EEF1AKMT2: variants seen among roughly 807,000 people sequenced by gnomAD.
EEF1AKMT2 encodes eukaryotic translation elongation factor 1 alpha lysine methyltransferase 2.
EEF1AKMT2 carries 32 observed loss-of-function variants against 35.8 expected under a neutral mutation model. That is an observed-to-expected ratio of 0.89 (90% CI 0.67 to 1.20). EEF1AKMT2 has a LOEUF of 1.20. Ranked by LOEUF, EEF1AKMT2 falls within the 50% of genes most tolerant of loss-of-function variation. The pLI, the probability that EEF1AKMT2 is intolerant of heterozygous loss-of-function variation, is 0.00. For missense variants in EEF1AKMT2, 330 were observed against 347.5 expected (o/e 0.95, Z 0.40); for synonymous variants, 121 against 133.7 (o/e 0.91, Z 0.65).
chr10:124,770,019 A>G (rs920790009), intron 4 of EEF1AKMT2, among the ~76,000 whole-genome samples: 2 of 148,060 alleles, frequency 1.4e-5, no homozygotes, highest in African/African-American at 5.0e-5. Flanking sequence ...GTGGTGGCTC[A>G]TGCCTGTAAT....
rs991631716 is a variant in EEF1AKMT2 at position 124,791,762 on chromosome 10, C to T, written c.72G>A (p.Glu24=). 2 of 1,595,424 alleles carry T rather than the reference C, an allele frequency of 1.3e-6. No individual in the cohort carries two copies. Among genetic ancestry groups the T allele is most frequent in the East Asian group, 2.3e-5 (1 of 44,318 alleles). ...CCAGCGCCGACGGGACGAAACCGTC[C>T]TCCCCGGGACTGCCCTTGTCCGACC... is the stretch of plus-strand genomic sequence containing the variant. ...AARSDKGSPG[E]DGFVPSALGT... is the part of the protein sequence containing the mutation. The change falls in exon 1 of 7, where the codon GAG becomes GAA. Residue 24 remains glutamate, a synonymous_variant. Coordinates refer to ENST00000368836, the MANE Select transcript of EEF1AKMT2 (RefSeq NM_212554.4).
chr10:124,774,239 C>A (rs1186491644), intron 4 of EEF1AKMT2, among the ~76,000 whole-genome samples: 1 of 151,604 alleles, frequency 6.6e-6, no homozygotes, highest in Non-Finnish European at 1.5e-5. Context: ...TGGCTGCAGG[C>A]GCCTGTAGTC....
intron 3 of EEF1AKMT2, among the ~76,000 whole-genome samples, chr10:124,787,391 A>C (rs1339514628): frequency 2.1e-5 from 3 of 139,624 alleles, no homozygotes; most frequent in Non-Finnish European, 1.5e-5. Context: ...CAAGATCGTG[A>C]GACTGCACTC....
At chr10:124,777,279 CAAAA>C (rs768724237) in intron 3 of EEF1AKMT2, among the ~76,000 whole-genome samples, 36 of 62,810 alleles carry the variant, frequency 5.7e-4, no homozygotes, top group African/African-American at 1.7e-3. Flanking sequence ...AACTCTGACT[CAAAA>C]AAAAAAAAAA....
intron 4 of EEF1AKMT2, among the ~76,000 whole-genome samples, chr10:124,772,440 T>C (rs1374686510): frequency 1.5e-5 from 2 of 131,036 alleles, no homozygotes; most frequent in Non-Finnish European, 3.4e-5. Context: ...TTTTTTTTTT[T>C]TTTTTTGAGA....
chr10:124,782,530 CGAG>C (rs1416656339), intron 3 of EEF1AKMT2, among the ~76,000 whole-genome samples: 1 of 143,706 alleles, frequency 7.0e-6, no homozygotes, highest in East Asian at 2.0e-4. Context: ...TGCAGTGAGC[CGAG>C]ATCGCGCCAC....
At chr10:124,783,805 C>A (rs554062248) in intron 3 of EEF1AKMT2, among the ~76,000 whole-genome samples, 1 of 152,140 alleles carries the variant, frequency 6.6e-6, no homozygotes, top group African/African-American at 2.4e-5. Context: ...TTGCCACCAA[C>A]CAAACCTGGC....
chr10:124,762,822 T>C (rs1240203464), intron 5 of EEF1AKMT2, among the ~76,000 whole-genome samples: 1 of 152,178 alleles, frequency 6.6e-6, no homozygotes, highest in Non-Finnish European at 1.5e-5. Context: ...ACATGCATAG[T>C]TATACACCCA....
At chr10:124,775,019 A>T in intron 3 of EEF1AKMT2, 2 of 187,884 alleles carry the variant, frequency 1.1e-5, no homozygotes, top group Non-Finnish European at 2.2e-5. Context: ...AAGGAAATTC[A>T]TGTTCTCAAA....
chr10:124,767,751 C>T (rs1299771430), intron 4 of EEF1AKMT2, among the ~76,000 whole-genome samples: 2 of 152,088 alleles, frequency 1.3e-5, no homozygotes, highest in South Asian at 2.1e-4. Flanking sequence ...TTTGGGAGGC[C>T]GAGACGGGTA....
At position 124,760,491 on chromosome 10, in the gene EEF1AKMT2, A is replaced by T. The variant is rs1216040003; in HGVS notation, c.*12T>A. 3 of 1,613,588 alleles carry T rather than the reference A, an allele frequency of 1.9e-6. No homozygotes were observed. Among genetic ancestry groups the T allele is most frequent in the Non-Finnish European group, 2.5e-6 (3 of 1,179,660 alleles). On this transcript the variant is annotated 3_prime_UTR_variant, in exon 7 of 7. Transcript: ENST00000368836. The stretch of plus-strand genomic sequence containing the variant: ...GAACTTGGGTGTTGGTAGCTCTTCG[A>T]GAAGTTCAAATCCTGTCAGACAAAA...
rs546256457 is a variant in EEF1AKMT2, at chr10:124,786,711, G to A, written c.291+2332C>T. ...TGTAATCCTAGCTACTCAGGAGGCT[G>A]AGGCAGGAAAATCGCTTGAACCCAG... On this transcript the variant is annotated intron_variant, in intron 3 of 6. Transcript: ENST00000368836. 2.0e-5 allele frequency among the ~76,000 whole-genome samples: 3 copies of A among 151,820 alleles called. No homozygotes were observed. The East Asian group carries it at 5.8e-4, about 30-fold the overall frequency.
chr10:124,773,314 C>T (rs2683607), intron 4 of EEF1AKMT2, among the ~76,000 whole-genome samples: 1 of 152,130 alleles, frequency 6.6e-6, no homozygotes, highest in Non-Finnish European at 1.5e-5. Context: ...CCTCCTGCCT[C>T]TGTTTTTTTT....
At chr10:124,771,031 T>C (rs1007782341) in intron 4 of EEF1AKMT2, among the ~76,000 whole-genome samples, 7 of 152,236 alleles carry the variant, frequency 4.6e-5, no homozygotes, top group Non-Finnish European at 7.3e-5. Flanking sequence ...GTTGATATTC[T>C]GACCTCCCAT....
chr10:124,774,264 G>A (rs1427265418), intron 4 of EEF1AKMT2, among the ~76,000 whole-genome samples: 1 of 151,106 alleles, frequency 6.6e-6, no homozygotes, highest in African/African-American at 2.4e-5. Flanking sequence ...CTACTTCAGA[G>A]GCTGAGAGAG....
chr10:124,764,662 C>G (rs1459871129), intron 5 of EEF1AKMT2, among the ~76,000 whole-genome samples: 1 of 152,184 alleles, frequency 6.6e-6, no homozygotes, highest in East Asian at 1.9e-4. Flanking sequence ...AAACCAAGAA[C>G]TGTTCTATCA....
intron 4 of EEF1AKMT2, among the ~76,000 whole-genome samples, chr10:124,773,316 G>GT (rs997803123): frequency 3.3e-4 from 50 of 151,548 alleles, no homozygotes; most frequent in South Asian, 1.9e-3. Flanking sequence ...TCCTGCCTCT[G>GT]TTTTTTTTTA....
In EEF1AKMT2 at chr10:124,765,393, T is replaced by G; in HGVS notation, c.615A>C (p.Glu205Asp). Residue 205 changes from glutamate (E) to aspartate (D), a missense_variant and splice_region_variant, in exon 5 of 7, where the codon GAA becomes GAC. Glu to Asp is a conservative substitution (Grantham distance 45). Transcript: ENST00000368836. Reference protein sequence around the residue: ...TKEELLNEFSEGWSTVAGFWL... With the variant: ...TKEELLNEFSDGWSTVAGFWL... ...TTTAAACACCATATAGTCACTTACC[T>G]TCACTGAATTCATTTAGCAACTCTT... 1 of 1,613,258 alleles carries G rather than the reference T, an allele frequency of 6.2e-7. No individual in the cohort carries two copies. The highest frequency in any genetic ancestry group is 8.5e-7 in the Non-Finnish European group (1 of 1,179,350).
intron 4 of EEF1AKMT2, among the ~76,000 whole-genome samples, chr10:124,773,795 T>C (rs114465367): frequency 4.1e-4 from 63 of 152,204 alleles, no homozygotes; most frequent in African/African-American, 1.4e-3. Context: ...TTACAACAAT[T>C]ACCAAAATGT....
Sources: allele counts gnomAD v4.1 joint callset (sites outside exome capture counted in the v4.1 genomes callset), GRCh38; gene constraint gnomAD v4.1.1; transcripts MANE v1.5; gene names NCBI Gene and HGNC (gene_info 2026-07-23, HGNC 2026-07-21).